ZFPM2: variants seen among roughly 807,000 people sequenced by gnomAD.
The protein encoded by ZFPM2 is zinc finger protein, FOG family member 2.
ZFPM2 carries 20 observed loss-of-function variants against 98.6 expected under a neutral mutation model. That is an observed-to-expected ratio of 0.20 (90% confidence interval 0.14 to 0.29). The LOEUF (loss-of-function observed/expected upper bound fraction) is 0.29, where lower values mean the gene tolerates loss of function less well. Among genes scored for constraint, ZFPM2 ranks in the 10% least tolerant of loss-of-function variants. The pLI is 1.00. For missense variants in ZFPM2, 1,310 were observed against 1,388.6 expected (o/e 0.94, Z 0.90); for synonymous variants, 518 against 502.7 (o/e 1.03, Z -0.41).
At chr8:105,457,860 G>A (rs1016410541) in intron 3 of ZFPM2, among the ~76,000 whole-genome samples, 2 of 152,142 alleles carry the variant, frequency 1.3e-5, no homozygotes, top group Non-Finnish European at 1.5e-5. Flanking sequence ...TCTGAAAGAC[G>A]AGGGAAAATA....
chr8:105,542,287 C>T (rs1456900951), intron 3 of ZFPM2, among the ~76,000 whole-genome samples: 1 of 152,042 alleles, frequency 6.6e-6, no homozygotes, highest in African/African-American at 2.4e-5. Flanking sequence ...GATTATTTCT[C>T]CCCTTTGAAT....
In ZFPM2 at chr8:105,487,156, A is replaced by G. The variant is rs1325920792; in HGVS notation, c.301+42775A>G. The stretch of plus-strand genomic sequence containing the variant: ...GAGATAGAGTCTCTCTCTGCCACCT[A>G]GGCTGGAGTGCAGTGGTGCAATCAT... On this transcript the variant is annotated intron_variant, in intron 3 of 7. Transcript: ENST00000407775. Among the ~76,000 whole-genome samples the G allele has an allele frequency of 2.0e-5, 3 of 152,142 alleles. No individual in the cohort carries two copies. The East Asian group carries it at 5.8e-4, about 29-fold the overall frequency.
chr8:105,738,504 T>C (rs1233383719), intron 5 of ZFPM2, among the ~76,000 whole-genome samples: 1 of 152,120 alleles, frequency 6.6e-6, no homozygotes, highest in Non-Finnish European at 1.5e-5. Flanking sequence ...GTCTTTATGA[T>C]GAAACAATTT....
chr8:105,516,293 A>G (rs867088169), intron 3 of ZFPM2, among the ~76,000 whole-genome samples: 1 of 152,156 alleles, frequency 6.6e-6, no homozygotes, highest in Admixed American at 6.6e-5. Flanking sequence ...GCAGGCAGTC[A>G]ATTTGTCTTA....
At chr8:105,648,211 T>G (rs557505232) in intron 5 of ZFPM2, among the ~76,000 whole-genome samples, 7 of 152,306 alleles carry the variant, frequency 4.6e-5, no homozygotes, top group Admixed American at 1.3e-4. Flanking sequence ...CTTTGCCCAC[T>G]TTTTGATGGG....
At chr8:105,754,781 T>C (rs1215580439) in intron 5 of ZFPM2, among the ~76,000 whole-genome samples, 2 of 152,004 alleles carry the variant, frequency 1.3e-5, no homozygotes, top group African/African-American at 4.8e-5. Context: ...ACCAGGACAT[T>C]ATTTGTAAGC....
chr8:105,779,732 G>A (rs910816571), intron 5 of ZFPM2, among the ~76,000 whole-genome samples: 5 of 152,162 alleles, frequency 3.3e-5, no homozygotes, highest in Non-Finnish European at 7.4e-5. Flanking sequence ...CAAAAGGCTT[G>A]TCTTAATCTT....
chr8:105,442,911 T>G (rs981305947), intron 2 of ZFPM2, among the ~76,000 whole-genome samples: 1 of 150,510 alleles, frequency 6.6e-6, no homozygotes, highest in African/African-American at 2.5e-5. Context: ...TTTTTTTTTG[T>G]ATAATCATAT....
intron 4 of ZFPM2, among the ~76,000 whole-genome samples, chr8:105,568,370 A>G (rs1815282867): frequency 6.6e-6 from 1 of 151,944 alleles, no homozygotes; most frequent in African/African-American, 2.4e-5. Flanking sequence ...CAGGGAGTCC[A>G]TTCTCTCAAT....
chr8:105,368,654 C>A (rs996244332), intron 1 of ZFPM2, among the ~76,000 whole-genome samples: 14 of 152,020 alleles, frequency 9.2e-5, no homozygotes, highest in African/African-American at 3.4e-4. Flanking sequence ...AGATCCTTTC[C>A]TCTTGACCTC....
chr8:105,451,265 C>A (rs1812479028), intron 3 of ZFPM2, among the ~76,000 whole-genome samples: 1 of 152,042 alleles, frequency 6.6e-6, no homozygotes, highest in African/African-American at 2.4e-5. Flanking sequence ...TCATGAGACA[C>A]AGTACTGGAA....
At chr8:105,664,514 A>T (rs1817454470) in intron 5 of ZFPM2, among the ~76,000 whole-genome samples, 1 of 152,030 alleles carries the variant, frequency 6.6e-6, no homozygotes, top group Non-Finnish European at 1.5e-5. Context: ...TTGTATTTTT[A>T]TTAAAGATGG....
intron 4 of ZFPM2, among the ~76,000 whole-genome samples, chr8:105,613,682 T>C (rs1303802260): frequency 6.6e-6 from 1 of 152,106 alleles, no homozygotes; most frequent in Non-Finnish European, 1.5e-5. Context: ...CACTTTCAGG[T>C]TTACCAACAC....
At chr8:105,693,355 C>T (rs891967575) in intron 5 of ZFPM2, among the ~76,000 whole-genome samples, 6 of 152,148 alleles carry the variant, frequency 3.9e-5, no homozygotes, top group Admixed American at 1.3e-4. Context: ...GTCGGCAACT[C>T]GCGTTGGGAC....
chr8:105,327,339 T>C (rs1812133710), intron 1 of ZFPM2, among the ~76,000 whole-genome samples: 1 of 151,704 alleles, frequency 6.6e-6, no homozygotes, highest in Non-Finnish European at 1.5e-5. Flanking sequence ...GAAGCAAACA[T>C]TTTTTCTTTA....
In ZFPM2 at chr8:105,803,666, A is replaced by AGACTT. The variant is rs576219083; in HGVS notation, c.*129_*133dup. 2.9e-4 allele frequency: 265 copies of AGACTT among 910,638 alleles called. 2 individuals are homozygous for AGACTT. In the East Asian group the frequency reaches 5.2e-3, roughly 18 times the overall value. 56.4% of individuals were successfully genotyped at this position (910,638 alleles called of 1,614,324 possible). On this transcript the variant is annotated 3_prime_UTR_variant, in exon 8 of 8. Transcript: ENST00000407775. Reference sequence around the variant, plus strand: ...AGATAATTCATTATGGCTGAGTTGAAGACTTAAGGTGTAATTTCATTACAG... The same window carrying AGACTT: ...AGATAATTCATTATGGCTGAGTTGAAGACTTGACTTAAGGTGTAATTTCATTACAG...
At chr8:105,341,038 T>C (rs1240905680) in intron 1 of ZFPM2, among the ~76,000 whole-genome samples, 1 of 151,926 alleles carries the variant, frequency 6.6e-6, no homozygotes, top group Non-Finnish European at 1.5e-5. Context: ...GAGACTCTCA[T>C]CTACCCCATC....
chr8:105,477,651 A>G (rs902637381), intron 3 of ZFPM2, among the ~76,000 whole-genome samples: 4 of 152,206 alleles, frequency 2.6e-5, no homozygotes, highest in African/African-American at 9.6e-5. Context: ...CTTTTATAGA[A>G]TAATACCTAA....
chr8:105,713,323 C>CT (rs1162056587), intron 5 of ZFPM2, among the ~76,000 whole-genome samples: 1 of 151,894 alleles, frequency 6.6e-6, no homozygotes, highest in Non-Finnish European at 1.5e-5. Context: ...TGTATTTCTT[C>CT]TTTTGAAGAG....
Sources: gnomAD v4.1 joint callset for allele counts (sites outside exome capture counted in the v4.1 genomes callset) on GRCh38, gnomAD v4.1.1 for gene constraint, MANE v1.5 for transcripts, NCBI Gene and HGNC (gene_info 2026-07-23, HGNC 2026-07-21) for gene names.